The following ADAMTSL1 variants were observed in gnomAD, a reference collection of about 807,000 sequenced individuals.
ADAMTSL1 encodes ADAMTS-like protein 1.
A neutral mutation model predicts 201.8 loss-of-function variants in ADAMTSL1; 126 were observed. The ratio of observed to expected loss-of-function variants is 0.62; its 90% CI spans 0.54 to 0.72. The LOEUF is 0.72. ADAMTSL1 is among the 30% of genes least tolerant of loss of function. The pLI, the probability that ADAMTSL1 is intolerant of heterozygous loss-of-function variation, is 0.00. For synonymous variants in ADAMTSL1, 1,121 were observed against 903.4 expected (o/e 1.24, Z -4.32); for missense variants, 2,679 against 2,277.8 (o/e 1.18, Z -3.59).
At chr9:18,531,765 C>T (rs978886456) in intron 2 of ADAMTSL1, among the ~76,000 whole-genome samples, 1 of 152,116 alleles carries the variant, frequency 6.6e-6, no homozygotes, top group Non-Finnish European at 1.5e-5. Flanking sequence ...ATTTCATTGC[C>T]AAACACATCA....
At chr9:17,944,366 TATC>T (rs1827366406) in intron 1 of ADAMTSL1, among the ~76,000 whole-genome samples, 1 of 152,056 alleles carries the variant, frequency 6.6e-6, no homozygotes, top group African/African-American at 2.4e-5. Flanking sequence ...GAAGAATCAA[TATC>T]ATGAAAATGG....
At chr9:18,326,057 C>A (rs926875585) in intron 2 of ADAMTSL1, among the ~76,000 whole-genome samples, 19 of 152,012 alleles carry the variant, frequency 1.2e-4, no homozygotes, top group Admixed American at 1.1e-3. Flanking sequence ...GGATCTTAAT[C>A]CTAGTAGAGA....
At chr9:18,403,593 T>C (rs1818069494) in intron 2 of ADAMTSL1, among the ~76,000 whole-genome samples, 1 of 152,194 alleles carries the variant, frequency 6.6e-6, no homozygotes, top group Admixed American at 6.5e-5. Flanking sequence ...TATCACTAAA[T>C]AGGTGTTTAA....
intron 2 of ADAMTSL1, among the ~76,000 whole-genome samples, chr9:18,256,523 G>T (rs1487695539): frequency 2.0e-5 from 3 of 152,198 alleles, no homozygotes; most frequent in African/African-American, 7.2e-5. Context: ...CACTATCCTA[G>T]ATGTTAGATG....
chr9:18,168,533 C>G (rs1245600418), intron 2 of ADAMTSL1, among the ~76,000 whole-genome samples: 2 of 151,718 alleles, frequency 1.3e-5, no homozygotes, highest in African/African-American at 4.8e-5. Flanking sequence ...CATTGTTGGA[C>G]ATTTGGGTTG....
At chr9:17,931,370 CA>C (rs1446972703) in intron 1 of ADAMTSL1, among the ~76,000 whole-genome samples, 3 of 152,038 alleles carry the variant, frequency 2.0e-5, no homozygotes, top group Non-Finnish European at 2.9e-5. Flanking sequence ...CTTTCTATTT[CA>C]ATTGTATTGA....
Position 18,609,140 on chromosome 9 carries a change from C to T in ADAMTSL1, c.475-13103C>T, listed in dbSNP as rs140560894. On this transcript the variant is annotated intron_variant, in intron 4 of 28. Transcript: ENST00000380548. The stretch of plus-strand genomic sequence containing the variant: ...GACTATGAGAAATCTCTATTTTGTG[C>T]TGACAGATAAATTTAATGATAGTTA... Among the ~76,000 whole-genome samples, 490 of 152,194 alleles carry T rather than the reference C, an allele frequency of 3.2e-3. 6 individuals are homozygous for T. The highest frequency in any genetic ancestry group is 0.029 in the Admixed American group (445 of 15,284).
intron 2 of ADAMTSL1, among the ~76,000 whole-genome samples, chr9:18,365,892 T>C (rs1836746619): frequency 6.6e-6 from 1 of 152,132 alleles, no homozygotes; most frequent in Admixed American, 6.5e-5. Flanking sequence ...AACCCTATTG[T>C]GAACTGCACA....
intron 23 of ADAMTSL1, among the ~76,000 whole-genome samples, chr9:18,847,247 T>C (rs1826179141): frequency 6.6e-6 from 1 of 151,918 alleles, no homozygotes. Context: ...GAAAGGGTAA[T>C]TGGGGTGGGG....
intron 2 of ADAMTSL1, among the ~76,000 whole-genome samples, chr9:18,513,961 C>G (rs531968512): frequency 6.6e-6 from 1 of 152,260 alleles, no homozygotes; most frequent in South Asian, 2.1e-4. Flanking sequence ...CAATATTGTT[C>G]TGAACATTCC....
chr9:18,684,633 TG>T, intron 12 of ADAMTSL1, 82 bp from the exon 13 acceptor site: 4 of 1,460,030 alleles, frequency 2.7e-6, no homozygotes, highest in South Asian at 2.8e-5. Context: ...AGTAACTTCT[TG>T]GTGAGGAGAA....
chr9:18,038,527 G>A (rs1203003666), intron 1 of ADAMTSL1, among the ~76,000 whole-genome samples: 1 of 152,110 alleles, frequency 6.6e-6, no homozygotes, highest in African/African-American at 2.4e-5. Context: ...ATGGCAATTC[G>A]ATATTTTATC....
intron 23 of ADAMTSL1, among the ~76,000 whole-genome samples, chr9:18,870,803 G>T (rs961627143): frequency 1.3e-4 from 20 of 150,624 alleles, no homozygotes; most frequent in African/African-American, 4.8e-4. Flanking sequence ...CTCGGGGTTT[G>T]TTTTGTTTTT....
intron 4 of ADAMTSL1, among the ~76,000 whole-genome samples, chr9:18,610,453 G>A (rs1825298650): frequency 6.6e-6 from 1 of 152,070 alleles, no homozygotes; most frequent in African/African-American, 2.4e-5. Flanking sequence ...CTCTGCTTTT[G>A]ATCAATTCTC....
chr9:18,360,772 A>C (rs1304893574), intron 2 of ADAMTSL1: 1 of 152,176 alleles, frequency 6.6e-6, no homozygotes, highest in Non-Finnish European at 1.5e-5. Context: ...TCCAGTGCCC[A>C]CCAATTAATA....
intron 2 of ADAMTSL1, among the ~76,000 whole-genome samples, chr9:18,368,976 C>T (rs1414250221): frequency 6.6e-6 from 1 of 152,102 alleles, no homozygotes; most frequent in East Asian, 1.9e-4. Flanking sequence ...TTGTTTATAC[C>T]CAGAATGAGG....
Position 18,777,597 on chromosome 9 carries a change from C to A in ADAMTSL1, c.3368C>A (p.Ser1123Ter). Residue 1123 changes from serine (S) to a stop codon, truncating the protein, a stop_gained, in exon 19 of 29, where the codon TCG becomes TAG. Coordinates refer to ENST00000380548, the MANE Select transcript of ADAMTSL1 (RefSeq NM_001040272.6). LOFTEE classifies it high-confidence loss of function. ...CACCAGGACACGCTCCTGAAGCCCTCGGAGCGCAGGACTTCCCCAGTGACT... is the reference window on the plus strand; with the variant it reads ...CACCAGGACACGCTCCTGAAGCCCTAGGAGCGCAGGACTTCCCCAGTGACT... ...LEHQDTLLKP[S>*]ERRTSPVTLS... 6.2e-7 allele frequency: 1 copy of A among 1,612,666 alleles called. No individual in the cohort carries two copies. Among genetic ancestry groups the A allele is most frequent in the Non-Finnish European group, 8.5e-7 (1 of 1,179,462 alleles).
chr9:18,076,793 C>T (rs1191327102), intron 1 of ADAMTSL1, among the ~76,000 whole-genome samples: 1 of 152,010 alleles, frequency 6.6e-6, no homozygotes, highest in African/African-American at 2.4e-5. Context: ...ATTATTGATA[C>T]ATATCAATAA....
At chr9:18,325,844 G>A (rs1014882065) in intron 2 of ADAMTSL1, among the ~76,000 whole-genome samples, 4 of 151,980 alleles carry the variant, frequency 2.6e-5, no homozygotes, top group East Asian at 1.9e-4. Context: ...GGATTCAAGC[G>A]ATTCTCCTGC....
Sources: gnomAD v4.1 joint callset for allele counts (sites outside exome capture counted in the v4.1 genomes callset) on GRCh38, gnomAD v4.1.1 for gene constraint, MANE v1.5 for transcripts, NCBI Gene and HGNC (gene_info 2026-07-23, HGNC 2026-07-21) for gene names.